LRTM3: variants seen among roughly 807,000 people sequenced by gnomAD.
LRTM3 encodes leucine-rich repeat transmembrane protein 3.
the LRTM3 span, chr13:102,740,664 C>T: frequency 6.5e-7 from 1 of 1,548,058 alleles, no homozygotes; most frequent in East Asian, 2.4e-5. Context: ...TCTAATTTCT[C>T]TTGTTGCATA....
chr13:102,744,439 T>C, the LRTM3 span: 1 of 1,550,454 alleles, frequency 6.4e-7, no homozygotes, highest in Non-Finnish European at 8.7e-7. Flanking sequence ...AACCAATCTT[T>C]GATTTCCCTG....
At chr13:102,754,589 A>G in the LRTM3 span, among the ~76,000 whole-genome samples, 18 of 152,278 alleles carry the variant, frequency 1.2e-4, no homozygotes, top group African/African-American at 4.1e-4. Flanking sequence ...CCACTCATAT[A>G]TGTTTAAAAT....
chr13:102,744,418 A>C, the LRTM3 span: 1 of 1,550,100 alleles, frequency 6.5e-7, no homozygotes, highest in East Asian at 2.4e-5. Flanking sequence ...AAGGGGTATC[A>C]CGTGGTATTG....
At chr13:102,747,202 G>A in the LRTM3 span, 22 of 1,550,444 alleles carry the variant, frequency 1.4e-5, no homozygotes, top group Non-Finnish European at 1.9e-5. Flanking sequence ...GGACTAGCTT[G>A]ATATGACTGT....
the LRTM3 span, chr13:102,742,508 TG>T: frequency 3.2e-6 from 5 of 1,550,468 alleles, no homozygotes; most frequent in Non-Finnish European, 4.4e-6. Flanking sequence ...TTGAAGTGGA[TG>T]TATCTTAGAG....
chr13:102,739,704 T>TATCA, the LRTM3 span: 16 of 1,549,928 alleles, frequency 1.0e-5, no homozygotes, highest in Non-Finnish European at 1.1e-5. Flanking sequence ...GCTTTTACTC[T>TATCA]ATCATTCTTT....
the LRTM3 span, chr13:102,735,236 A>ATT: frequency 6.4e-7 from 1 of 1,551,230 alleles, no homozygotes; most frequent in African/African-American, 1.4e-5. Flanking sequence ...GGGATCCAGT[A>ATT]CACTGGTCAT....
chr13:102,745,583 G>A, the LRTM3 span: 1 of 1,550,870 alleles, frequency 6.4e-7, no homozygotes, highest in Non-Finnish European at 8.7e-7. Flanking sequence ...TCCACATTTG[G>A]GATTCACTAA....
chr13:102,733,212 C>T, the LRTM3 span: 2 of 1,551,354 alleles, frequency 1.3e-6, no homozygotes, highest in Non-Finnish European at 1.7e-6. Flanking sequence ...ATGACAATAT[C>T]TTGTTCTTCT....
the LRTM3 span, chr13:102,735,075 A>G: frequency 6.4e-7 from 1 of 1,551,126 alleles, no homozygotes; most frequent in South Asian, 1.2e-5. Flanking sequence ...AGTGGGGAGG[A>G]TCTAGAAGGA....
chr13:102,740,568 G>C, the LRTM3 span: 1 of 1,548,910 alleles, frequency 6.5e-7, no homozygotes, highest in Non-Finnish European at 8.7e-7. Context: ...TTACTGTTTT[G>C]AGTATATCCA....
chr13:102,756,673 TA>T, the LRTM3 span, among the ~76,000 whole-genome samples: 352 of 67,008 alleles, frequency 5.3e-3, 3 homozygotes, highest in African/African-American at 0.017. Context: ...AAACTCTGTC[TA>T]AAAAAAAAAA....
the LRTM3 span, chr13:102,747,052 ATGCAGG>A: frequency 6.4e-7 from 1 of 1,551,220 alleles, no homozygotes; most frequent in Non-Finnish European, 8.7e-7. Context: ...TGCAGCTATC[ATGCAGG>A]ACTGCTTTTG....
At chr13:102,749,184 A>G in the LRTM3 span, 1 of 1,550,740 alleles carries the variant, frequency 6.4e-7, no homozygotes, top group Non-Finnish European at 8.7e-7. Flanking sequence ...GTGATTTGAA[A>G]TACTTGTGAA....
the LRTM3 span, chr13:102,729,569 T>C: frequency 1.3e-6 from 2 of 1,523,782 alleles, no homozygotes; most frequent in Admixed American, 2.3e-5. Flanking sequence ...GAAGTTTCTT[T>C]TCCTTAAGGT....
the LRTM3 span, chr13:102,732,346 T>C: frequency 1.5e-4 from 233 of 1,551,434 alleles, 2 homozygotes; most frequent in African/African-American, 2.6e-3. Context: ...TTCTATTGCT[T>C]GGTGTACCAC....
chr13:102,743,832 C>A, the LRTM3 span: 195 of 1,549,618 alleles, frequency 1.3e-4, no homozygotes, highest in Non-Finnish European at 1.6e-4. Context: ...AATATAATTT[C>A]TTTTTCTGAT....
the LRTM3 span, chr13:102,747,098 T>C: frequency 1.3e-6 from 2 of 1,551,104 alleles, no homozygotes; most frequent in African/African-American, 1.4e-5. Context: ...TTTTACTTCA[T>C]CTTGCAATTT....
the LRTM3 span, chr13:102,745,554 G>A: frequency 6.4e-7 from 1 of 1,550,962 alleles, no homozygotes; most frequent in Non-Finnish European, 8.7e-7. Context: ...GAAATTGATG[G>A]CTTCTTTGCC....
Sources: allele counts gnomAD v4.1 joint callset (sites outside exome capture counted in the v4.1 genomes callset), GRCh38; gene constraint gnomAD v4.1.1; transcripts MANE v1.5; gene names NCBI Gene and HGNC (gene_info 2026-07-23, HGNC 2026-07-21).